Variants in DCC observed in about 807,000 individuals in gnomAD.
The protein encoded by DCC is DCC netrin 1 receptor.
A neutral mutation model predicts 172.5 loss-of-function variants in DCC; 58 were observed. The observed-to-expected ratio is 0.34, with a 90% CI of 0.27 to 0.42. The LOEUF (loss-of-function observed/expected upper bound fraction) is 0.42, where lower values mean the gene tolerates loss of function less well. Ranked by LOEUF, DCC falls within the 10% of genes least tolerant of loss-of-function variation. The pLI, the probability that DCC is intolerant of heterozygous loss-of-function variation, is 1.00. For missense variants in DCC, 1,740 were observed against 1,791.0 expected (o/e 0.97, Z 0.51); for synonymous variants, 709 against 644.5 (o/e 1.10, Z -1.52).
intron 15 of DCC, among the ~76,000 whole-genome samples, chr18:53,385,036 TTTG>T (rs1908061120): frequency 7.6e-6 from 1 of 132,324 alleles, no homozygotes; most frequent in Admixed American, 7.8e-5. Flanking sequence ...TTTTTTTTTT[TTTG>T]TATTTTTAGT....
chr18:52,368,555 A>T (rs1304816534), intron 1 of DCC, among the ~76,000 whole-genome samples: 1 of 152,156 alleles, frequency 6.6e-6, no homozygotes, highest in Non-Finnish European at 1.5e-5. Context: ...GGTACTGAGA[A>T]AGTACTACAT....
At chr18:53,487,039 T>A in intron 26 of DCC, 81 bp downstream of exon 26, 2 of 1,572,772 alleles carry the variant, frequency 1.3e-6, no homozygotes, top group Non-Finnish European at 1.7e-6. Context: ...CATTCTGACC[T>A]TATCCCTTAG....
intron 7 of DCC, among the ~76,000 whole-genome samples, chr18:53,073,607 A>C (rs1049837782): frequency 2.6e-5 from 4 of 152,188 alleles, no homozygotes; most frequent in Non-Finnish European, 4.4e-5. Flanking sequence ...GGTTAAAAAA[A>C]ATAGTTTCAC....
intron 2 of DCC, among the ~76,000 whole-genome samples, chr18:52,858,839 G>A (rs1421435121): frequency 1.3e-5 from 2 of 152,224 alleles, no homozygotes; most frequent in African/African-American, 2.4e-5. Context: ...GAATGGGGCA[G>A]CAATGTTTGC....
intron 1 of DCC, among the ~76,000 whole-genome samples, chr18:52,580,077 A>G (rs1438260015): frequency 5.3e-5 from 8 of 152,222 alleles, no homozygotes; most frequent in Admixed American, 2.6e-4. Flanking sequence ...ATTTTCTTCT[A>G]GATAAATCAC....
chr18:52,546,014 A>G (rs1459987127), intron 1 of DCC, among the ~76,000 whole-genome samples: 1 of 152,234 alleles, frequency 6.6e-6, no homozygotes, highest in Admixed American at 6.5e-5. Context: ...TTGCTTACTT[A>G]GCATGTCTAT....
chr18:52,908,119 G>A (rs372466591), intron 3 of DCC, among the ~76,000 whole-genome samples: 4 of 152,128 alleles, frequency 2.6e-5, no homozygotes, highest in Non-Finnish European at 5.9e-5. Flanking sequence ...TGTTGGCTTC[G>A]GTCTCTGCGC....
intron 1 of DCC, among the ~76,000 whole-genome samples, chr18:52,577,286 C>A (rs2033437742): frequency 6.6e-6 from 1 of 152,186 alleles, no homozygotes; most frequent in Non-Finnish European, 1.5e-5. Flanking sequence ...CTCTAGGTGA[C>A]TTTTAATTTG....
chr18:52,947,295 A>G (rs988776898), intron 5 of DCC, among the ~76,000 whole-genome samples: 5 of 152,188 alleles, frequency 3.3e-5, no homozygotes, highest in Non-Finnish European at 7.3e-5. Context: ...CTTTTAGAAA[A>G]GTTTGCATTT....
chr18:52,559,561 C>G (rs1322906357), intron 1 of DCC, among the ~76,000 whole-genome samples: 1 of 152,098 alleles, frequency 6.6e-6, no homozygotes, highest in Non-Finnish European at 1.5e-5. Flanking sequence ...GAATCAAAAT[C>G]GAATTAGGTA....
intron 6 of DCC, among the ~76,000 whole-genome samples, chr18:53,064,991 ATTC>A (rs1195384213): frequency 6.6e-6 from 1 of 152,216 alleles, no homozygotes; most frequent in East Asian, 1.9e-4. Context: ...ACCAATTTAA[ATTC>A]TTCTTTTATA....
intron 1 of DCC, among the ~76,000 whole-genome samples, chr18:52,721,723 CT>C (rs1485152509): frequency 5.9e-5 from 9 of 152,228 alleles, no homozygotes; most frequent in African/African-American, 2.2e-4. Flanking sequence ...CCCCAAATCA[CT>C]TTTTTAAAGT....
At chr18:52,718,773 T>C (rs1568061694) in intron 1 of DCC, among the ~76,000 whole-genome samples, 1 of 152,192 alleles carries the variant, frequency 6.6e-6, no homozygotes, top group Non-Finnish European at 1.5e-5. Flanking sequence ...TAGACAATGT[T>C]TATTAAATAT....
chr18:52,396,303 A>G (rs953486432), intron 1 of DCC, among the ~76,000 whole-genome samples: 2 of 124,102 alleles, frequency 1.6e-5, no homozygotes, highest in African/African-American at 2.9e-5. Flanking sequence ...CCCCGCCCTG[A>G]AAAGACTTCA....
At chr18:52,628,585 ATG>A (rs1165621657) in intron 1 of DCC, among the ~76,000 whole-genome samples, 3 of 152,182 alleles carry the variant, frequency 2.0e-5, no homozygotes, top group African/African-American at 7.2e-5. Flanking sequence ...TAGGCAGTGA[ATG>A]TGGCTTTCTT....
rs181463347 is a variant in DCC at position 52,537,902 on chromosome 18, C to T, written c.91+197024C>T. On this transcript the variant is annotated intron_variant, in intron 1 of 28. Transcript: ENST00000442544. The stretch of plus-strand genomic sequence containing the variant: ...CAAGTACAGCTCTTTTCCATGATTA[C>T]TAGAATTTTCTGTCTTCTGCCCTTC... Among the ~76,000 whole-genome samples, 610 of 152,260 alleles carry T rather than the reference C, an allele frequency of 4.0e-3. 3 individuals carry two copies. The highest frequency in any genetic ancestry group is 4.5e-3 in the Non-Finnish European group (304 of 68,012).
intron 1 of DCC, among the ~76,000 whole-genome samples, chr18:52,583,049 G>A (rs1373593622): frequency 6.6e-6 from 1 of 151,712 alleles, no homozygotes. Context: ...ATTCAAATAG[G>A]GACCTCTTTC....
At chr18:53,373,078 C>A (rs1022214353) in intron 15 of DCC, among the ~76,000 whole-genome samples, 1 of 152,090 alleles carries the variant, frequency 6.6e-6, no homozygotes, top group East Asian at 1.9e-4. Context: ...GTTTGCTTTC[C>A]TTTATCAGAA....
intron 3 of DCC, among the ~76,000 whole-genome samples, chr18:52,918,140 A>G (rs1359142814): frequency 6.6e-6 from 1 of 152,182 alleles, no homozygotes; most frequent in Non-Finnish European, 1.5e-5. Context: ...GAAAATGACC[A>G]TGTATGTGTC....
Sources: gnomAD v4.1 joint callset for allele counts (sites outside exome capture counted in the v4.1 genomes callset) on GRCh38, gnomAD v4.1.1 for gene constraint, MANE v1.5 for transcripts, NCBI Gene and HGNC (gene_info 2026-07-23, HGNC 2026-07-21) for gene names.